The following TBX3 variants were observed in gnomAD, a reference collection of about 807,000 sequenced individuals.
TBX3 encodes the protein T-box transcription factor TBX3.
A neutral mutation model predicts 47.8 loss-of-function variants in TBX3; 11 were observed. That is an observed-to-expected ratio of 0.23 (90% CI 0.14 to 0.38). TBX3 has a LOEUF of 0.38. Among genes scored for constraint, TBX3 ranks in the 10% least tolerant of loss-of-function variants. The pLI, the probability that TBX3 is intolerant of heterozygous loss-of-function variation, is 1.00. For missense variants in TBX3, 927 were observed against 1,022.8 expected, an observed-to-expected ratio of 0.91 and a Z score of 1.28; for synonymous variants, 500 against 449.3, an observed-to-expected ratio of 1.11 and a Z score of -1.43.
chr12:114,675,700 C>G (rs1353461457), intron 5 of TBX3, among the ~76,000 whole-genome samples: 1 of 151,260 alleles, frequency 6.6e-6, no homozygotes, highest in Non-Finnish European at 1.5e-5. Flanking sequence ...ACTGCTTGCT[C>G]TTTAAACACA....
In TBX3 at chr12:114,671,144, G is replaced by A. The variant is rs947616403; in HGVS notation, c.*697C>T. On this transcript the variant is annotated 3_prime_UTR_variant, in exon 7 of 7. Transcript: ENST00000349155. ...GGGCAAAGGATTGGGAAAAGGGTAG[G>A]GGGCTATATTGTTTTCTCTCTAAAA... 1 of 212,922 alleles carries A rather than the reference G, an allele frequency of 4.7e-6. No homozygotes were observed. Among genetic ancestry groups the A allele is most frequent in the African/African-American group, 2.3e-5 (1 of 44,184 alleles). The allele number at this position is 212,922 out of a possible 1,614,324, so 13.2% of individuals were successfully genotyped here.
Position 114,672,192 on chromosome 12 carries a change from G to T in TBX3, c.1821C>A (p.Pro607=). 2 of 1,572,216 alleles carry T rather than the reference G, an allele frequency of 1.3e-6. No homozygotes were observed. The highest frequency in any genetic ancestry group is 1.7e-6 in the Non-Finnish European group (2 of 1,159,682). ...AAASSSVHRH[P]FLNLNTMRPR... Reference sequence around the variant, plus strand: ...GGCGCATGGTGTTCAGATTGAGGAAGGGGTGGCGGTGCACCGAGCTGGAGG... The same window carrying T: ...GGCGCATGGTGTTCAGATTGAGGAATGGGTGGCGGTGCACCGAGCTGGAGG... The change falls in exon 7 of 7, where the codon CCC becomes CCA. Residue 607 remains proline (P), a synonymous_variant. Coordinates refer to ENST00000349155, the MANE Select transcript of TBX3 (RefSeq NM_005996.4).
intron 6 of TBX3, 50 bp downstream of exon 6, chr12:114,674,115 A>G: frequency 6.4e-7 from 1 of 1,559,946 alleles, no homozygotes; most frequent in Non-Finnish European, 8.7e-7. Context: ...GGACAGGGAA[A>G]CTGGACGAAA....
chr12:114,681,167 A>G (rs1382209659), intron 1 of TBX3, 21 bp from the exon 2 acceptor site: 2 of 1,613,502 alleles, frequency 1.2e-6, no homozygotes, highest in Non-Finnish European at 1.7e-6. Flanking sequence ...AAAGAATAGA[A>G]AAGAAAAAGA....
Position 114,674,314 on chromosome 12 carries a change from G to T in TBX3, c.1561C>A (p.Pro521Thr), listed in dbSNP as rs539716467. The T allele has an allele frequency of 1.9e-6, 3 of 1,576,052 alleles. No homozygotes were observed. In the African/African-American group the frequency reaches 4.0e-5, roughly 21 times the overall value. ...GCCCCAGAAACCGTGGCCAGGAGGG[G>T]ACCCATGCCAGCGGCCGCCATGCTG... ...FSSMAAAGMG[P>T]LLATVSGAST... The change falls in exon 6 of 7, where the codon CCC becomes ACC. Residue 521 changes from proline (P) to threonine (T), a missense_variant. Pro to Thr is a conservative substitution (Grantham distance 38, BLOSUM62 -1). Transcript: ENST00000349155.
At chr12:114,672,985 C>T (rs112067158) in intron 6 of TBX3, among the ~76,000 whole-genome samples, 2,485 of 152,260 alleles carry the variant, frequency 0.016, 64 homozygotes, top group African/African-American at 0.045. Context: ...GGTGAGAAGC[C>T]GAGGTAGGCC....
intron 2 of TBX3, chr12:114,680,063 G>T (rs930155168): frequency 5.3e-6 from 7 of 1,313,628 alleles, no homozygotes; most frequent in Non-Finnish European, 6.5e-6. Context: ...TCCACTTAAA[G>T]CCCTGAAAGG....
chr12:114,680,396 A>G (rs969144325), intron 2 of TBX3: 1 of 291,142 alleles, frequency 3.4e-6, no homozygotes, highest in Non-Finnish European at 6.5e-6. Flanking sequence ...CCGGACTCCC[A>G]CCTAAGCCCA....
chr12:114,677,425 A>G (rs142758145), intron 4 of TBX3, among the ~76,000 whole-genome samples, 155 bp downstream of exon 4: 8 of 152,338 alleles, frequency 5.3e-5, no homozygotes, highest in Middle Eastern at 3.4e-3. Context: ...TGTCCTGGGT[A>G]TACTGATAGC....
intron 2 of TBX3, chr12:114,679,992 C>G (rs947944794): frequency 9.9e-6 from 16 of 1,613,710 alleles, no homozygotes; most frequent in Non-Finnish European, 1.4e-5. Flanking sequence ...TAGAGAAAAA[C>G]ATGCATTTTA....
Position 114,674,733 on chromosome 12 carries a change from T to TCCGACGTGGTGGTGGAGATCTTGG in TBX3, c.1118_1141dup (p.Ala373_Ser380dup). 6.3e-7 allele frequency: 1 copy of TCCGACGTGGTGGTGGAGATCTTGG among 1,597,548 alleles called. No individual in the cohort carries two copies. Among genetic ancestry groups the TCCGACGTGGTGGTGGAGATCTTGG allele is most frequent in the Non-Finnish European group, 8.5e-7 (1 of 1,176,148 alleles). Reference sequence around the variant, plus strand: ...GCTGCCCTTGTCACGGCAGGGCTCCTCCGACGTGGTGGTGGAGATCTTGGC... The same window carrying TCCGACGTGGTGGTGGAGATCTTGG: ...GCTGCCCTTGTCACGGCAGGGCTCCTCCGACGTGGTGGTGGAGATCTTGGCCGACGTGGTGGTGGAGATCTTGGC... On this transcript the variant is annotated inframe_insertion, in exon 6 of 7. Coordinates refer to ENST00000349155, the MANE Select transcript of TBX3 (RefSeq NM_005996.4).
In TBX3 at chr12:114,671,000, A is replaced by C. The variant is rs1246078821; in HGVS notation, c.*841T>G. The C allele has an allele frequency of 9.7e-6, 2 of 206,116 alleles. No individual in the cohort carries two copies. The highest frequency in any genetic ancestry group is 1.5e-4 in the East Asian group (2 of 13,164). 12.8% of individuals were successfully genotyped at this position (206,116 alleles called of 1,614,324 possible). On this transcript the variant is annotated 3_prime_UTR_variant, in exon 7 of 7. Coordinates refer to ENST00000349155, the MANE Select transcript of TBX3 (RefSeq NM_005996.4). ...TGTTATTGCATATACAGGAAAGAGA[A>C]AGAACTGTCAAAGAACGACATGAAT... is the stretch of plus-strand genomic sequence containing the variant.
intron 2 of TBX3, 31 bp downstream of exon 2, chr12:114,680,848 A>G: frequency 6.2e-7 from 1 of 1,614,192 alleles, no homozygotes; most frequent in African/African-American, 1.3e-5. Context: ...AAGGAGGAGA[A>G]AATTTTACTG....
At chr12:114,678,292 T>C (rs1868795036) in intron 3 of TBX3, among the ~76,000 whole-genome samples, 1 of 152,248 alleles carries the variant, frequency 6.6e-6, no homozygotes, top group South Asian at 2.1e-4. Context: ...TCAAAAATGC[T>C]ACATTTTATT....
Position 114,672,374 on chromosome 12 carries a change from C to T in TBX3, c.1711-72G>A. The T allele has an allele frequency of 2.5e-5, 33 of 1,310,956 alleles. No individual in the cohort carries two copies. In the South Asian group the frequency reaches 5.0e-4, roughly 20 times the overall value. 81.2% of individuals were successfully genotyped at this position (1,310,956 alleles called of 1,614,324 possible). On this transcript the variant is annotated intron_variant, in intron 6 of 6. Transcript: ENST00000349155. ...GCTTATCTCATCCCTCTCCTCTCTT[C>T]TCCCCCTCCAACATTGGGCAAGCCA...
intron 6 of TBX3, 31 bp downstream of exon 6, chr12:114,674,134 G>C: frequency 6.4e-7 from 1 of 1,569,532 alleles, no homozygotes; most frequent in Non-Finnish European, 8.6e-7. Flanking sequence ...AAGGTGGAAA[G>C]ACTGGTGGAG....
intron 3 of TBX3, among the ~76,000 whole-genome samples, chr12:114,678,351 T>C (rs765137648): frequency 1.3e-5 from 2 of 152,232 alleles, no homozygotes; most frequent in Admixed American, 1.3e-4. Flanking sequence ...AGAGGGCACA[T>C]GCATTTTGCA....
chr12:114,676,561 C>G, intron 4 of TBX3, 91 bp from the exon 5 acceptor site: 1 of 1,527,396 alleles, frequency 6.5e-7, no homozygotes. Flanking sequence ...CACACACATA[C>G]CTCACACCCT....
Position 114,682,903 on chromosome 12 carries a change from C to T in TBX3, c.298G>A (p.Glu100Lys), listed in dbSNP as rs902279692. ...TCCAGGTGCACCTTGGGGTCGTCCT[C>T]CACCTCTTCTTCGGGCTCCATGGTC... Reference protein sequence around the residue: ...LKTMEPEEEVEDDPKVHLEAK... With the variant: ...LKTMEPEEEVKDDPKVHLEAK... Residue 100 changes from glutamate (E) to lysine (K), a missense_variant, in exon 1 of 7, where the codon GAG (glutamate) becomes AAG (lysine). Glu to Lys is a moderately conservative substitution (Grantham distance 56, BLOSUM62 1). Coordinates refer to ENST00000349155, the MANE Select transcript of TBX3 (RefSeq NM_005996.4). 1 of 1,614,190 alleles carries T rather than the reference C, an allele frequency of 6.2e-7. No homozygotes were observed. Among genetic ancestry groups the T allele is most frequent in the African/African-American group, 1.3e-5 (1 of 75,044 alleles).
Sources: allele counts gnomAD v4.1 joint callset (sites outside exome capture counted in the v4.1 genomes callset), GRCh38; gene constraint gnomAD v4.1.1; transcripts MANE v1.5; gene names NCBI Gene and HGNC (gene_info 2026-07-23, HGNC 2026-07-21).